HDLBP: variants seen among roughly 807,000 people sequenced by gnomAD.
HDLBP encodes the protein vigilin.
HDLBP carries 30 observed loss-of-function variants against 137.3 expected under a neutral mutation model. The ratio of observed to expected loss-of-function variants is 0.22; its 90% confidence interval spans 0.16 to 0.30. The LOEUF is 0.30. Among genes scored for constraint, HDLBP ranks in the 10% least tolerant of loss-of-function variants. HDLBP has a pLI of 1.00. For synonymous variants in HDLBP, 606 were observed against 596.0 expected, an observed-to-expected ratio of 1.02 and a Z score of -0.24; for missense variants, 1,119 against 1,667.3, an observed-to-expected ratio of 0.67 and a Z score of 5.73.
In HDLBP at chr2:241,227,852, T is replaced by G; in HGVS notation, c.*1749A>C. 6.6e-6 allele frequency: 1 copy of G among 151,788 alleles called. No homozygotes were observed. The highest frequency in any genetic ancestry group is 2.1e-4 in the South Asian group (1 of 4,798). 9.4% of individuals were successfully genotyped at this position (151,788 alleles called of 1,614,324 possible). On this transcript the variant is annotated 3_prime_UTR_variant, in exon 28 of 28. Coordinates refer to ENST00000310931, the MANE Select transcript of HDLBP (RefSeq NM_005336.6). ...ACTGGCCTCCCCCGTGGAGGTGGAGTAGACAGATCCCGGGAAAGGCAGGAA... is the reference window on the plus strand; with the variant it reads ...ACTGGCCTCCCCCGTGGAGGTGGAGGAGACAGATCCCGGGAAAGGCAGGAA...
intron 5 of HDLBP, 138 bp from the exon 6 acceptor site, chr2:241,256,944 T>C (rs1402780349): frequency 2.7e-6 from 2 of 737,238 alleles, no homozygotes; most frequent in East Asian, 2.7e-5. Flanking sequence ...TAAAACAGCA[T>C]GAGCTTAAAC....
At chr2:241,279,834 C>A in intron 1 of HDLBP, 2 of 799,628 alleles carry the variant, frequency 2.5e-6, no homozygotes, top group Non-Finnish European at 3.0e-6. Flanking sequence ...CACTGCACTG[C>A]TAGTAATAGT....
At chr2:241,246,141 C>T (rs1350867571) in intron 16 of HDLBP, among the ~76,000 whole-genome samples, 1 of 152,052 alleles carries the variant, frequency 6.6e-6, no homozygotes, top group Non-Finnish European at 1.5e-5. Flanking sequence ...TCAAAATATC[C>T]TGCAAAGTGA....
chr2:241,246,521 A>G (rs2071692850), intron 16 of HDLBP: 1 of 472,458 alleles, frequency 2.1e-6, no homozygotes, highest in East Asian at 3.4e-5. Context: ...GTCTAATAAG[A>G]CAAGTGCCCA....
chr2:241,247,980 G>C, intron 14 of HDLBP, 23 bp downstream of exon 14: 1 of 1,543,938 alleles, frequency 6.5e-7, no homozygotes, highest in East Asian at 2.2e-5. Flanking sequence ...TGTCATACAA[G>C]AAAGGATGTG....
intron 1 of HDLBP, among the ~76,000 whole-genome samples, chr2:241,290,017 C>T: frequency 6.6e-6 from 1 of 152,028 alleles, no homozygotes; most frequent in Non-Finnish European, 1.5e-5. Flanking sequence ...GAAGAAACCA[C>T]TTTGTGTCCA....
chr2:241,253,069 C>T (rs1200833212), intron 10 of HDLBP, 34 bp from the exon 11 acceptor site: 2 of 1,523,704 alleles, frequency 1.3e-6, no homozygotes, highest in South Asian at 2.2e-5. Context: ...ATGGATGCGC[C>T]TGGTTACTTG....
chr2:241,230,737 A>G lies in HDLBP; in HGVS notation c.3474+22T>C, dbSNP rs1362110181. The G allele has an allele frequency of 6.2e-7, 1 of 1,610,654 alleles. No homozygotes were observed. Among genetic ancestry groups the G allele is most frequent in the African/African-American group, 1.3e-5 (1 of 75,012 alleles). On this transcript the variant is annotated intron_variant, in intron 25 of 27. Transcript: ENST00000310931. This position sits in a 1 kb window ranked among gnomAD's most constrained non-coding sequence, Gnocchi z 5.0. ...CCCCGGTGAGAGAGGATTCTCACCC[A>G]CTGTGCTTCCAGCCGGCTCACCTTG...
rs191457484 is a variant in HDLBP at position 241,258,221 on chromosome 2, C to T, written c.451-1415G>A. Among the ~76,000 whole-genome samples, 892 of 152,176 alleles carry T rather than the reference C, an allele frequency of 5.9e-3. 10 individuals carry two copies. Among genetic ancestry groups the T allele is most frequent in the African/African-American group, 0.02 (838 of 41,500 alleles). Reference sequence around the variant, plus strand: ...ACAAAAATTAGCATGGTGGCAGGCGCCTGTAATCCCAGCTACTCGGGAGGC... The same window carrying T: ...ACAAAAATTAGCATGGTGGCAGGCGTCTGTAATCCCAGCTACTCGGGAGGC... On this transcript the variant is annotated intron_variant, in intron 5 of 27. Transcript: ENST00000310931.
chr2:241,229,834 T>A lies in HDLBP; in HGVS notation c.3719A>T (p.Lys1240Met). ...GGAGGGCAGAAGCCCGCATCTGACC[T>A]TCTCACTGCTGCTGGCGGTCCAGGG... ...DAPWTASSSE[K>M]APDMSSSEEF... The change falls in exon 27 of 28, where the codon AAG (lysine) becomes ATG (methionine). Residue 1240 changes from lysine (K) to methionine (M), a missense_variant and splice_region_variant. By Grantham distance (95) the Lys-to-Met change is moderately conservative. Around this residue, in one of 4 missense-constraint regions of HDLBP, gnomAD observed 618 missense variants for 816.7 expected, o/e 0.76. Coordinates refer to ENST00000310931, the MANE Select transcript of HDLBP (RefSeq NM_005336.6). The A allele has an allele frequency of 7.6e-7, 1 of 1,310,738 alleles. No individual in the cohort carries two copies. The highest frequency in any genetic ancestry group is 1.0e-6 in the Non-Finnish European group (1 of 1,003,452). 81.2% of individuals were successfully genotyped at this position (1,310,738 alleles called of 1,614,324 possible).
At chr2:241,283,524 G>A (rs1156671698) in intron 1 of HDLBP, among the ~76,000 whole-genome samples, 1 of 151,666 alleles carries the variant, frequency 6.6e-6, no homozygotes, top group Non-Finnish European at 1.5e-5. Context: ...GCCCAGGCTG[G>A]AGTGCAGTGG....
At chr2:241,232,379 G>C (rs2069871762) in intron 24 of HDLBP, among the ~76,000 whole-genome samples, 1 of 151,810 alleles carries the variant, frequency 6.6e-6, no homozygotes, top group African/African-American at 2.4e-5. Context: ...GCGTTCAAGC[G>C]ATTCTCACGT....
At position 241,272,810 on chromosome 2, in the gene HDLBP, G is replaced by A. The variant is rs1574996591; in HGVS notation, c.-102-4269C>T. ...TGCCGCTGGCTTACTCGCCCCCCGC[G>A]CGGGAGAAGCCGGGACGCTCCGAGG... is the stretch of plus-strand genomic sequence containing the variant. On this transcript the variant is annotated intron_variant, in intron 1 of 27. Transcript: ENST00000310931. The surrounding 1 kb of genome is among the most constrained non-coding windows in gnomAD (Gnocchi z 5.6). 3.6e-6 allele frequency: 1 copy of A among 278,760 alleles called. No homozygotes were observed. Among genetic ancestry groups the A allele is most frequent in the Non-Finnish European group, 5.4e-6 (1 of 184,916 alleles). 17.3% of individuals were successfully genotyped at this position (278,760 alleles called of 1,614,324 possible).
intron 20 of HDLBP, 79 bp from the exon 21 acceptor site, chr2:241,236,848 G>A: frequency 6.8e-7 from 1 of 1,467,970 alleles, no homozygotes; most frequent in African/African-American, 1.4e-5. Context: ...ATATGTCTGT[G>A]AGGCACCTGC....
rs1308469208 is a variant in HDLBP at position 241,233,491 on chromosome 2, C to G, written c.3288+329G>C. On this transcript the variant is annotated intron_variant, in intron 24 of 27. Transcript: ENST00000310931. The surrounding 1 kb of genome is among the most constrained non-coding windows in gnomAD (Gnocchi z 4.3). ...ACAGGTGAATGAGAGCCCTTGGGAG[C>G]CTCAGAGAGGCCCGGGTGACAGGTG... is the stretch of plus-strand genomic sequence containing the variant. Among the ~76,000 whole-genome samples the G allele has an allele frequency of 6.6e-6, 1 of 152,100 alleles. No individual in the cohort carries two copies. Among genetic ancestry groups the G allele is most frequent in the Non-Finnish European group, 1.5e-5 (1 of 67,996 alleles).
At chr2:241,243,292 A>G (rs1183732459) in intron 16 of HDLBP, among the ~76,000 whole-genome samples, 1 of 152,216 alleles carries the variant, frequency 6.6e-6, no homozygotes, top group Non-Finnish European at 1.5e-5. Context: ...TCCGGAGACC[A>G]GCCACTCATA....
chr2:241,249,892 T>C lies in HDLBP; in HGVS notation c.1461A>G (p.Pro487=), dbSNP rs2149452806. Residue 487 remains proline (P), a synonymous_variant, in exon 12 of 28, where the codon CCA becomes CCG. Transcript: ENST00000310931. ...KSNLIRIEGD[P]QGVQQAKREL... ...CTCGCTTGGCCTGCTGCACGCCCTG[T>C]GGGTCCCCCTCGATGCGGATCAAAT... The C allele has an allele frequency of 6.2e-7, 1 of 1,614,094 alleles. No individual in the cohort carries two copies. Among genetic ancestry groups the C allele is most frequent in the Non-Finnish European group, 8.5e-7 (1 of 1,179,974 alleles).
At chr2:241,243,764 C>T (rs1180670711) in intron 16 of HDLBP, 3 of 152,238 alleles carry the variant, frequency 2.0e-5, no homozygotes, top group African/African-American at 7.2e-5. Flanking sequence ...TGCTCTGATC[C>T]TCCCTAATAA....
chr2:241,237,069 A>AACTAACTAC (rs1173230598), intron 20 of HDLBP, among the ~76,000 whole-genome samples: 1 of 151,880 alleles, frequency 6.6e-6, no homozygotes, highest in African/African-American at 2.4e-5. Flanking sequence ...AGCTAACAGC[A>AACTAACTAC]ACTAACTACA....
Sources: gnomAD v4.1 joint callset for allele counts (sites outside exome capture counted in the v4.1 genomes callset) on GRCh38, gnomAD v4.1.1 for gene constraint, gnomAD v4.1.1 regional missense constraint, Gnocchi (gnomAD v3.1) non-coding constraint, MANE v1.5 for transcripts, NCBI Gene and HGNC (gene_info 2026-07-23, HGNC 2026-07-21) for gene names.